CD99: variants seen among roughly 807,000 people sequenced by gnomAD.
The protein encoded by CD99 is CD99 antigen.
A neutral mutation model predicts 28.4 loss-of-function variants in CD99; 19 were observed. The ratio of observed to expected loss-of-function variants is 0.67; its 90% CI spans 0.47 to 0.98. The LOEUF (loss-of-function observed/expected upper bound fraction) is 0.98. CD99 is among the 50% of genes least tolerant of loss of function. The pLI is 0.00. For missense variants in CD99, 283 were observed against 248.8 expected (o/e 1.14, Z -0.92); for synonymous variants, 103 against 92.1 (o/e 1.12, Z -0.67).
In CD99 at chrX:2,738,250, C is replaced by T. The variant is rs1431028529; in HGVS notation, c.526C>T (p.Pro176Ser). 3.7e-6 allele frequency: 6 copies of T among 1,613,760 alleles called. No homozygotes were observed. The highest frequency in any genetic ancestry group is 5.1e-6 in the Non-Finnish European group (6 of 1,179,814). Residue 176 changes from proline (P) to serine (S), a missense_variant, in exon 9 of 10, where the codon CCA becomes TCA. Coordinates refer to ENST00000381192, the MANE Select transcript of CD99 (RefSeq NM_002414.5). ...MESHRNANAE[P>S]AVQRTLLEK ...GAGCCACCGGAATGCCAACGCAGAG[C>T]CAGCTGGTAAGAAGGACGGGGAACG...
At chrX:2,714,727 G>A in intron 2 of CD99, 2 of 340,808 alleles carry the variant, frequency 5.9e-6, no homozygotes, top group Non-Finnish European at 5.3e-6. Flanking sequence ...AGTGGGGCAC[G>A]TGCTGTTGGA....
intron 2 of CD99, chrX:2,715,274 C>G (rs2048638331): frequency 1.3e-5 from 2 of 152,276 alleles, no homozygotes; most frequent in South Asian, 2.1e-4. Context: ...AAAAAGGTGC[C>G]ACCAACTGGG....
intron 8 of CD99, chrX:2,737,863 CT>C (rs762329138): frequency 0.15 from 57,307 of 380,924 alleles, no homozygotes; most frequent in South Asian, 0.22. Context: ...GATGCACGTA[CT>C]TTTTTTTTTT....
chrX:2,691,592 G>A (rs1450302545), intron 1 of CD99, 165 bp downstream of exon 1: 4 of 767,112 alleles, frequency 5.2e-6, no homozygotes, highest in South Asian at 1.5e-5. Context: ...CGGAGGAGGC[G>A]CCCACTTTCT....
intron 8 of CD99, among the ~76,000 whole-genome samples, chrX:2,737,131 G>A (rs1296508040): frequency 1.3e-5 from 2 of 151,958 alleles, no homozygotes; most frequent in Non-Finnish European, 2.9e-5. Flanking sequence ...CTTTCCCTAG[G>A]TACTGAAAAG....
chrX:2,716,594 C>G (rs181106961), intron 2 of CD99, among the ~76,000 whole-genome samples: 2 of 152,222 alleles, frequency 1.3e-5, no homozygotes, highest in East Asian at 3.9e-4. Context: ...TGGGTTCGAG[C>G]AATCCTCCCA....
chrX:2,711,946 G>A (rs2048428079), intron 1 of CD99, among the ~76,000 whole-genome samples: 1 of 152,132 alleles, frequency 6.6e-6, no homozygotes, highest in Admixed American at 6.5e-5. Context: ...GGAGGCTGAG[G>A]CAGGAGAATT....
chrX:2,726,994 G>A (rs1203547893), intron 8 of CD99, among the ~76,000 whole-genome samples: 8 of 152,186 alleles, frequency 5.3e-5, no homozygotes, highest in Admixed American at 1.3e-4. Flanking sequence ...AAAATTAGCC[G>A]GGCATGGTGG....
At position 2,692,021 on chromosome X, in the gene CD99, G is replaced by C. The variant is rs28514824; in HGVS notation, c.67+594G>C. On this transcript the variant is annotated intron_variant, in intron 1 of 9. Transcript: ENST00000381192. ...GCGCGTGCTGTGCGCCAAGCAACAC[G>C]GGGCGCAGAAAGAAACGTGTGCTTA... 3,059 of 692,326 alleles carry C rather than the reference G, an allele frequency of 4.4e-3. 84 individuals are homozygous for C. In the African/African-American group the frequency reaches 0.048, roughly 11 times the overall value. 42.9% of individuals were successfully genotyped at this position (692,326 alleles called of 1,614,324 possible).
At chrX:2,705,570 A>G (rs2048075152) in intron 1 of CD99, among the ~76,000 whole-genome samples, 1 of 152,202 alleles carries the variant, frequency 6.6e-6, no homozygotes, top group African/African-American at 2.4e-5. Flanking sequence ...ATGACCTCAC[A>G]GACTTTGCAG....
At chrX:2,714,228 C>G (rs1353313880) in intron 1 of CD99, 194 bp from the exon 2 acceptor site, 1 of 156,582 alleles carries the variant, frequency 6.4e-6, no homozygotes, top group Admixed American at 6.6e-5. Context: ...AAAACCTAGG[C>G]TAACATATTC....
intron 8 of CD99, among the ~76,000 whole-genome samples, chrX:2,736,447 C>G (rs2049945090): frequency 6.6e-6 from 1 of 152,090 alleles, no homozygotes; most frequent in South Asian, 2.1e-4. Context: ...GCATCTCTTA[C>G]GCGTTTCCAA....
intron 1 of CD99, among the ~76,000 whole-genome samples, chrX:2,707,233 G>A (rs956172712): frequency 6.6e-6 from 1 of 152,020 alleles, no homozygotes; most frequent in African/African-American, 2.4e-5. Flanking sequence ...GGGAAGCTGA[G>A]GAAGGAGAAT....
rs755388046 is a variant in CD99 at position 2,717,623 on chromosome X, C to G, written c.119C>G (p.Pro40Arg). 2 of 1,613,652 alleles carry G rather than the reference C, an allele frequency of 1.2e-6. No individual in the cohort carries two copies. The highest frequency in any genetic ancestry group is 2.2e-5 in the South Asian group (2 of 91,050). The part of the protein sequence containing the change: ...DALPDNENKK[P>R]TAIPKKPSAG... The stretch of plus-strand genomic sequence containing the variant: ...TCTTTAGACAATGAAAACAAGAAAC[C>G]CACTGCAATCCCCAAGAAACCCAGT... The change falls in exon 3 of 10, where the codon CCC (proline) becomes CGC (arginine). Residue 40 changes from proline to arginine, a missense_variant. Transcript: ENST00000381192.
At chrX:2,724,804 A>C (rs777233117) in intron 7 of CD99, among the ~76,000 whole-genome samples, 6 of 151,838 alleles carry the variant, frequency 4.0e-5, no homozygotes. Flanking sequence ...CTCGGGAGGC[A>C]CAAGAATTGC....
chrX:2,693,712 T>C, intron 1 of CD99, among the ~76,000 whole-genome samples: 1 of 152,222 alleles, frequency 6.6e-6, no homozygotes. Context: ...TCATAAATTC[T>C]CAGGGGTACA....
chrX:2,701,930 T>C (rs2047883429), intron 1 of CD99, among the ~76,000 whole-genome samples: 1 of 152,210 alleles, frequency 6.6e-6, no homozygotes, highest in African/African-American at 2.4e-5. Flanking sequence ...CCTGCAGAGT[T>C]GACCACACGT....
chrX:2,723,620 C>T (rs189195484), intron 7 of CD99, among the ~76,000 whole-genome samples: 2,542 of 152,250 alleles, frequency 0.017, 71 homozygotes, highest in African/African-American at 0.059. Flanking sequence ...GCTGGCGACC[C>T]GACCCCTACA....
intron 1 of CD99, among the ~76,000 whole-genome samples, chrX:2,697,544 A>C (rs1351525141): frequency 3.9e-5 from 6 of 152,100 alleles, no homozygotes. Context: ...GTCCAAATGC[A>C]CCCTGGCAAG....
Sources: allele counts gnomAD v4.1 joint callset (sites outside exome capture counted in the v4.1 genomes callset), GRCh38; gene constraint gnomAD v4.1.1; transcripts MANE v1.5; gene names NCBI Gene and HGNC (gene_info 2026-07-23, HGNC 2026-07-21).